The following METTL8 variants were observed in gnomAD, a reference collection of about 807,000 sequenced individuals.
The protein encoded by METTL8 is tRNA N(3)-cytidine methyltransferase METTL8, mitochondrial.
A neutral mutation model predicts 48.7 loss-of-function variants in METTL8; 32 were observed. That is an observed-to-expected ratio of 0.66 (90% confidence interval 0.50 to 0.88). The LOEUF (loss-of-function observed/expected upper bound fraction) is 0.88. Ranked by LOEUF, METTL8 falls within the 40% of genes least tolerant of loss-of-function variation. METTL8 has a pLI of 0.00. For synonymous variants in METTL8, 136 were observed against 157.1 expected, an observed-to-expected ratio of 0.87 and a Z score of 1.01; for missense variants, 464 against 474.4, an observed-to-expected ratio of 0.98 and a Z score of 0.20.
intron 2 of METTL8, among the ~76,000 whole-genome samples, chr2:171,376,547 A>G (rs1198249222): frequency 6.6e-6 from 1 of 152,204 alleles, no homozygotes; most frequent in Non-Finnish European, 1.5e-5. Context: ...ACTGCTATAC[A>G]CCAACAACAG....
Position 171,339,404 on chromosome 2 carries a change from G to A in METTL8, c.386C>T (p.Ser129Leu). Residue 129 changes from serine to leucine, a missense_variant, in exon 4 of 10, where the codon TCA becomes TTA. Coordinates refer to ENST00000375258, the MANE Select transcript of METTL8 (RefSeq NM_001321154.2). Reference protein sequence around the residue: ...QKPEEKARESSWDHVKTSATN... With the variant: ...QKPEEKARESLWDHVKTSATN... Reference sequence around the variant, plus strand: ...AGCACTAGTTTTTACATGATCCCATGATGATTCTCTCGCCTTCTCTTCAGG... The same window carrying A: ...AGCACTAGTTTTTACATGATCCCATAATGATTCTCTCGCCTTCTCTTCAGG... 6.2e-7 allele frequency: 1 copy of A among 1,613,626 alleles called. No homozygotes were observed. Among genetic ancestry groups the A allele is most frequent in the Non-Finnish European group, 8.5e-7 (1 of 1,179,750 alleles).
At position 171,339,318 on chromosome 2, in the gene METTL8, T is replaced by C. The variant is rs1214961554; in HGVS notation, c.472A>G (p.Lys158Glu). Residue 158 changes from lysine to glutamate, a missense_variant, in exon 4 of 10, where the codon AAA (lysine) becomes GAA (glutamate). Lys to Glu is a moderately conservative substitution (Grantham distance 56). Transcript: ENST00000375258. ...TGACCTTCTGAAGAACCAGAACTTT[T>C]CTCATAATGATTTTTTTCATCAGGC... ...TVPDEKNHYE[K>E]SSGSSEGQSK... 3 of 1,613,048 alleles carry C rather than the reference T, an allele frequency of 1.9e-6. No individual in the cohort carries two copies. The highest frequency in any genetic ancestry group is 8.5e-7 in the Non-Finnish European group (1 of 1,179,432).
At chr2:171,338,527 C>A (rs1215555956) in intron 4 of METTL8, among the ~76,000 whole-genome samples, 4 of 151,804 alleles carry the variant, frequency 2.6e-5, no homozygotes, top group Non-Finnish European at 5.9e-5. Context: ...GTAATCCCAG[C>A]TACTCAGGAG....
chr2:171,339,130 T>A (rs1686435508), intron 4 of METTL8, 54 bp downstream of exon 4: 1 of 1,385,404 alleles, frequency 7.2e-7, no homozygotes, highest in African/African-American at 1.4e-5. Context: ...TAATACAGAA[T>A]GTACATTTTC....
chr2:171,378,694 C>T (rs1053048603), intron 2 of METTL8, among the ~76,000 whole-genome samples: 1 of 151,750 alleles, frequency 6.6e-6, no homozygotes, highest in Non-Finnish European at 1.5e-5. Context: ...GATCAATTCA[C>T]AAAGAAAAGC....
intron 3 of METTL8, among the ~76,000 whole-genome samples, chr2:171,348,582 G>A (rs1683547215): frequency 1.3e-5 from 2 of 152,122 alleles, no homozygotes; most frequent in Admixed American, 6.6e-5. Context: ...TTAGAAGCCA[G>A]AATAGTGGCT....
chr2:171,421,181 T>G (rs150254021), intron 1 of METTL8, among the ~76,000 whole-genome samples: 1 of 152,304 alleles, frequency 6.6e-6, no homozygotes, highest in East Asian at 1.9e-4. Context: ...TACTATTAAA[T>G]GGAAAGTTTG....
At chr2:171,394,053 G>A (rs1688830745) in intron 1 of METTL8, among the ~76,000 whole-genome samples, 1 of 152,088 alleles carries the variant, frequency 6.6e-6, no homozygotes, top group Admixed American at 6.5e-5. Flanking sequence ...AAGCTCTTTG[G>A]TGGAGGCAAA....
chr2:171,348,737 G>A (rs1407835259), intron 3 of METTL8, among the ~76,000 whole-genome samples: 1 of 151,956 alleles, frequency 6.6e-6, no homozygotes, highest in Non-Finnish European at 1.5e-5. Flanking sequence ...TGTTAACTTC[G>A]TGAAAATTCA....
Position 171,322,313 on chromosome 2 carries a change from G to A in METTL8, c.*1859C>T, listed in dbSNP as rs1478796156. 6.6e-6 allele frequency: 1 copy of A among 151,856 alleles called. No homozygotes were observed. Among genetic ancestry groups the A allele is most frequent in the Non-Finnish European group, 1.5e-5 (1 of 67,972 alleles). The allele number at this position is 151,856 out of a possible 1,614,324, so 9.4% of individuals were successfully genotyped here. A position where few individuals can be genotyped will look rare whatever the true frequency, so the allele number is the denominator to read the frequency against. On this transcript the variant is annotated 3_prime_UTR_variant, in exon 10 of 10. Coordinates refer to ENST00000375258, the MANE Select transcript of METTL8 (RefSeq NM_001321154.2). ...CTGCCACAATTTAAGAATTCTCTTG[G>A]GTATGACAGTTGTCTTAAACAGAGC...
At chr2:171,347,978 G>A (rs1683459185) in intron 3 of METTL8, among the ~76,000 whole-genome samples, 1 of 152,134 alleles carries the variant, frequency 6.6e-6, no homozygotes, top group African/African-American at 2.4e-5. Flanking sequence ...TGGAGAACTG[G>A]CTCTACGGAA....
chr2:171,433,619 A>G (rs926400749), intron 1 of METTL8, among the ~76,000 whole-genome samples: 14 of 151,766 alleles, frequency 9.2e-5, no homozygotes, highest in African/African-American at 3.1e-4. Context: ...AGGCCGTCCA[A>G]TAAGAATGTA....
chr2:171,431,934 G>C (rs896795907), intron 1 of METTL8, among the ~76,000 whole-genome samples: 1 of 152,220 alleles, frequency 6.6e-6, no homozygotes, highest in South Asian at 2.1e-4. Context: ...GCCCACTGTG[G>C]GAGTCACTTG....
chr2:171,323,257 A>G lies in METTL8; in HGVS notation c.*915T>C, dbSNP rs1684627176. On this transcript the variant is annotated 3_prime_UTR_variant, in exon 10 of 10. Transcript: ENST00000375258. ...TTTTTTTTTTTTTTTTTTTGGAGAC[A>G]AGGTCTCACCATGTCACCCAGTTTG... 8.5e-6 allele frequency: 1 copy of G among 117,124 alleles called. No individual in the cohort carries two copies. Among genetic ancestry groups the G allele is most frequent in the Non-Finnish European group, 1.7e-5 (1 of 59,348 alleles). 7.3% of individuals were successfully genotyped at this position (117,124 alleles called of 1,614,324 possible). A position where few individuals can be genotyped will look rare whatever the true frequency, so the allele number is the denominator to read the frequency against.
chr2:171,362,951 G>T (rs533291502), intron 2 of METTL8, among the ~76,000 whole-genome samples: 47 of 152,230 alleles, frequency 3.1e-4, no homozygotes, highest in Admixed American at 7.2e-4. Context: ...TAAGGCTAGG[G>T]ATGAGTTTTT....
At position 171,337,435 on chromosome 2, in the gene METTL8, A is replaced by G. The variant is rs111674023; in HGVS notation, c.656+18T>C. 1 of 1,566,118 alleles carries G rather than the reference A, an allele frequency of 6.4e-7. No individual in the cohort carries two copies. Among genetic ancestry groups the G allele is most frequent in the East Asian group, 2.3e-5 (1 of 44,040 alleles). On this transcript the variant is annotated intron_variant, in intron 5 of 9. Transcript: ENST00000375258. The stretch of plus-strand genomic sequence containing the variant: ...TAAATATGTAAAATTCTGTAGAAAG[A>G]AAACTCTTAAAACTCACTCCAAAGT...
At chr2:171,431,506 T>C (rs1311383269) in intron 1 of METTL8, among the ~76,000 whole-genome samples, 1 of 152,228 alleles carries the variant, frequency 6.6e-6, no homozygotes, top group Non-Finnish European at 1.5e-5. Flanking sequence ...CAGACCTAGC[T>C]GAGCTAAGAG....
chr2:171,397,381 A>AAAC (rs1689194124), intron 1 of METTL8, among the ~76,000 whole-genome samples: 1 of 131,616 alleles, frequency 7.6e-6, no homozygotes, highest in Non-Finnish European at 1.7e-5. Flanking sequence ...AAAAAAAAAC[A>AAAC]ACATCAACAA....
At chr2:171,374,878 T>G (rs1185916107) in intron 2 of METTL8, 5 of 847,240 alleles carry the variant, frequency 5.9e-6, no homozygotes, top group African/African-American at 5.0e-5. Context: ...ACAATTTCCA[T>G]TTTATTTTTC....
Sources: gnomAD v4.1 joint callset for allele counts (sites outside exome capture counted in the v4.1 genomes callset) on GRCh38, gnomAD v4.1.1 for gene constraint, MANE v1.5 for transcripts, NCBI Gene and HGNC (gene_info 2026-07-23, HGNC 2026-07-21) for gene names.